Variants in PCDHGB2 observed in about 807,000 individuals in gnomAD.
The protein encoded by PCDHGB2 is protocadherin gamma-B2.
PCDHGB2 carries 55 observed loss-of-function variants against 59.3 expected under a neutral mutation model. That is an observed-to-expected ratio of 0.93 (90% CI 0.75 to 1.16). The LOEUF (loss-of-function observed/expected upper bound fraction) is 1.16, where lower values mean the gene tolerates loss of function less well. PCDHGB2 is among the 50% of genes most tolerant of loss of function. The probability of loss-of-function intolerance (pLI) is 0.00; values close to 1 mark genes in which losing one functional copy is unlikely to be tolerated. For synonymous variants in PCDHGB2, 516 were observed against 512.0 expected (o/e 1.01, Z -0.11); for missense variants, 1,228 against 1,198.5 (o/e 1.02, Z -0.36).
rs1761446039 is a variant in PCDHGB2, at chr5:141,360,156, G to T, written c.21G>T (p.Arg7Ser). The T allele has an allele frequency of 6.2e-7, 1 of 1,604,878 alleles. No homozygotes were observed. Among genetic ancestry groups the T allele is most frequent in the Non-Finnish European group, 8.5e-7 (1 of 1,175,154 alleles). ...AGAAGATGAAAGCGAGCTCAGGGAG[G>T]TGCGGGCTGGTGCGGTGGCTGCAGG... is the stretch of plus-strand genomic sequence containing the variant. MKASSG[R>S]CGLVRWLQVL... The change falls in exon 1 of 4, where the codon AGG becomes AGT. Residue 7 changes from arginine (R) to serine (S), a missense_variant. Transcript: ENST00000522605.
At chr5:141,433,256 C>G (rs760130587) in intron 1 of PCDHGB2, 2 of 1,385,666 alleles carry the variant, frequency 1.4e-6, no homozygotes, top group Non-Finnish European at 2.0e-6. Context: ...TGCAGCGGTA[C>G]GATCATAGCT....
At chr5:141,427,499 T>C in intron 1 of PCDHGB2, 2 of 571,516 alleles carry the variant, frequency 3.5e-6, no homozygotes, top group Non-Finnish European at 3.3e-6. Flanking sequence ...TTGTAACAGA[T>C]GGGACCCTGG....
chr5:141,379,723 G>A (rs1250250274), intron 1 of PCDHGB2: 1 of 152,038 alleles, frequency 6.6e-6, no homozygotes, highest in Non-Finnish European at 1.5e-5. Context: ...CATGGAATTT[G>A]CTAAGTTATG....
chr5:141,460,553 C>A (rs2098991893), intron 1 of PCDHGB2, among the ~76,000 whole-genome samples: 1 of 152,032 alleles, frequency 6.6e-6, no homozygotes. Context: ...AATCAAAAAT[C>A]ATTTGGCCAT....
At chr5:141,478,795 C>T (rs919747545) in intron 1 of PCDHGB2, 7 of 1,468,056 alleles carry the variant, frequency 4.8e-6, no homozygotes, top group Non-Finnish European at 6.3e-6. Flanking sequence ...ACATCCTCAG[C>T]ACTCTTTTGC....
chr5:141,422,136 AGTACGGGG>A (rs772818860), intron 1 of PCDHGB2: 9 of 1,588,992 alleles, frequency 5.7e-6, no homozygotes, highest in Non-Finnish European at 7.7e-6. Flanking sequence ...GAGAAGTTCA[AGTACGGGG>A]GTCTCTGGAT....
Position 141,388,997 on chromosome 5 carries a change from C to G in PCDHGB2, c.2421+26441C>G. On this transcript the variant is annotated intron_variant, in intron 1 of 3. Transcript: ENST00000522605. ...ATATTGCTTTGCTCAAAGTCCGTGA[C>G]AAGGATTCCAGACACAATGGAGAAG... The G allele has an allele frequency of 1.9e-6, 3 of 1,613,968 alleles. No individual in the cohort carries two copies. The highest frequency in any genetic ancestry group is 2.5e-6 in the Non-Finnish European group (3 of 1,179,880).
intron 1 of PCDHGB2, chr5:141,405,172 T>G: frequency 1.2e-6 from 2 of 1,614,092 alleles, no homozygotes; most frequent in African/African-American, 2.7e-5. Flanking sequence ...CCTCACACTT[T>G]GTGGGTGTAG....
rs998564450 is a variant in PCDHGB2 at position 141,401,627 on chromosome 5, G to T, written c.2421+39071G>T. The stretch of plus-strand genomic sequence containing the variant: ...AAAAAGACACCGGATTTGTCTTATC[G>T]TTTGGAGCTTTAAATATAAATGACT... On this transcript the variant is annotated intron_variant, in intron 1 of 3. Coordinates refer to ENST00000522605, the MANE Select transcript of PCDHGB2 (RefSeq NM_018923.3). Among the ~76,000 whole-genome samples the T allele has an allele frequency of 2.6e-5, 4 of 152,294 alleles. No homozygotes were observed. In the South Asian group the frequency reaches 8.3e-4, roughly 32 times the overall value.
At chr5:141,450,772 C>T (rs544188262) in intron 1 of PCDHGB2, among the ~76,000 whole-genome samples, 1 of 151,944 alleles carries the variant, frequency 6.6e-6, no homozygotes, top group African/African-American at 2.4e-5. Flanking sequence ...CAGGCATGAG[C>T]CACCGTGCCC....
intron 1 of PCDHGB2, among the ~76,000 whole-genome samples, chr5:141,451,719 TA>T (rs2098722539): frequency 6.6e-6 from 1 of 152,016 alleles, no homozygotes; most frequent in Non-Finnish European, 1.5e-5. Flanking sequence ...CTGCCTCTAC[TA>T]AAAATACAAA....
At chr5:141,406,908 A>G (rs1256233458) in intron 1 of PCDHGB2, among the ~76,000 whole-genome samples, 2 of 152,204 alleles carry the variant, frequency 1.3e-5, no homozygotes, top group Non-Finnish European at 2.9e-5. Flanking sequence ...GTTTTTAGCT[A>G]TAAGGAAGAG....
chr5:141,390,214 T>G, intron 1 of PCDHGB2: 1 of 1,614,064 alleles, frequency 6.2e-7, no homozygotes, highest in Non-Finnish European at 8.5e-7. Flanking sequence ...GGACAAGACA[T>G]ACTTTGCGGT....
chr5:141,392,900 A>G, intron 1 of PCDHGB2: 1 of 1,613,714 alleles, frequency 6.2e-7, no homozygotes, highest in Non-Finnish European at 8.5e-7. Flanking sequence ...TCGGGAGGGG[A>G]CAGATTCGCT....
At chr5:141,367,743 A>T (rs1765311157) in intron 1 of PCDHGB2, 1 of 152,154 alleles carries the variant, frequency 6.6e-6, no homozygotes, top group African/African-American at 2.4e-5. Flanking sequence ...GCCTCCAGAG[A>T]GTTACATACT....
intron 1 of PCDHGB2, 148 bp from the exon 2 acceptor site, chr5:141,494,659 T>C (rs749872848): frequency 2.3e-4 from 343 of 1,488,556 alleles, no homozygotes; most frequent in Non-Finnish European, 2.9e-4. Flanking sequence ...ATTTTGTCTT[T>C]GGAGATGAGT....
Position 141,489,140 on chromosome 5 carries a change from G to A in PCDHGB2, c.2422-5667G>A. ...CCTCCGAGCAGTTTTTAAGAGGCTG[G>A]AAGGAGACATAAGAGACTTCAGCTG... is the stretch of plus-strand genomic sequence containing the variant. On this transcript the variant is annotated intron_variant, in intron 1 of 3. Transcript: ENST00000522605. The surrounding 1 kb of genome is among the most constrained non-coding windows in gnomAD (Gnocchi z 4.5). The A allele has an allele frequency of 1.2e-6, 1 of 841,390 alleles. No individual in the cohort carries two copies. Among genetic ancestry groups the A allele is most frequent in the South Asian group, 2.1e-5 (1 of 47,082 alleles). The allele number at this position is 841,390 out of a possible 1,614,324, so 52.1% of individuals were successfully genotyped here.
intron 1 of PCDHGB2, chr5:141,418,622 G>A: frequency 2.5e-6 from 4 of 1,614,026 alleles, no homozygotes; most frequent in Non-Finnish European, 3.4e-6. Context: ...TCGGGAAGAC[G>A]TGCCTCCAGG....
intron 1 of PCDHGB2, among the ~76,000 whole-genome samples, chr5:141,435,698 A>G (rs954167256): frequency 1.3e-5 from 2 of 152,184 alleles, no homozygotes; most frequent in African/African-American, 4.8e-5. Context: ...CTTATTGTAG[A>G]GTGGTTACAG....
Sources: allele counts gnomAD v4.1 joint callset (sites outside exome capture counted in the v4.1 genomes callset), GRCh38; gene constraint gnomAD v4.1.1; non-coding constraint Gnocchi (gnomAD v3.1); transcripts MANE v1.5; gene names NCBI Gene and HGNC (gene_info 2026-07-23, HGNC 2026-07-21).